BET1: variants seen among roughly 807,000 people sequenced by gnomAD.
The protein encoded by BET1 is BET1 homolog.
In BET1, 9 loss-of-function variants were observed where a neutral mutation model predicts 13.9. The ratio of observed to expected loss-of-function variants is 0.65; its 90% CI spans 0.39 to 1.13. The LOEUF (loss-of-function observed/expected upper bound fraction) is 1.13, where lower values mean the gene tolerates loss of function less well. BET1 is among the 50% of genes most tolerant of loss of function. The pLI is 0.01. For missense variants in BET1, 127 were observed against 133.6 expected (o/e 0.95, Z 0.24); for synonymous variants, 39 against 47.3 (o/e 0.82, Z 0.72).
chr7:93,990,968 C>T (rs1218899572), downstream of BET1, among the ~76,000 whole-genome samples: 8 of 151,944 alleles, frequency 5.3e-5, no homozygotes, highest in African/African-American at 1.9e-4. Flanking sequence ...CTTTCCAAGG[C>T]TTGTGAAAAA....
At chr7:93,994,500 T>A in intron 3 of BET1, 115 bp from the exon 4 acceptor site, 1 of 1,172,880 alleles carries the variant, frequency 8.5e-7, no homozygotes, top group Non-Finnish European at 1.2e-6. Context: ...CAGTTTTGTG[T>A]TTAATCAATT....
intron 4 of BET1, among the ~76,000 whole-genome samples, chr7:93,984,719 T>C (rs1795492475): frequency 6.6e-6 from 1 of 152,188 alleles, no homozygotes; most frequent in Admixed American, 6.6e-5. Context: ...GATGGAAATT[T>C]AAATCAGAGC....
Position 93,994,011 on chromosome 7 carries a change from A to G in BET1, c.*219T>C. ...GAAATTAGTGGAGCCACACCCTCTC[A>G]CTACCCCTGAAAATAGGGGCTAAAA... On this transcript the variant is annotated 3_prime_UTR_variant, in exon 4 of 4. Coordinates refer to ENST00000222547, the MANE Select transcript of BET1 (RefSeq NM_005868.6). 1.3e-6 allele frequency: 2 copies of G among 1,509,354 alleles called. No homozygotes were observed. Among genetic ancestry groups the G allele is most frequent in the Admixed American group, 2.1e-5 (1 of 46,850 alleles). 93.5% of individuals were successfully genotyped at this position (1,509,354 alleles called of 1,614,324 possible). A position where few individuals can be genotyped will look rare whatever the true frequency, so the allele number is the denominator to read the frequency against.
chr7:93,973,687 C>T (rs1372321923), intron 5 of BET1, among the ~76,000 whole-genome samples: 1 of 152,008 alleles, frequency 6.6e-6, no homozygotes, highest in Non-Finnish European at 1.5e-5. Context: ...TATACCTCAA[C>T]ACCTGGCCTC....
chr7:93,982,242 A>C (rs543342752), intron 4 of BET1, among the ~76,000 whole-genome samples: 8 of 152,172 alleles, frequency 5.3e-5, no homozygotes, highest in Admixed American at 2.0e-4. Flanking sequence ...GTCTATAATT[A>C]TGAAGCTCAT....
chr7:93,989,564 G>A (rs1795592820), downstream of BET1, among the ~76,000 whole-genome samples: 1 of 152,192 alleles, frequency 6.6e-6, no homozygotes, highest in Non-Finnish European at 1.5e-5. Flanking sequence ...AAACTTCACA[G>A]TAGGGAGCCT....
chr7:94,002,459 A>T (rs34370739), intron 1 of BET1, among the ~76,000 whole-genome samples: 13,601 of 63,756 alleles, frequency 0.21, 1,716 homozygotes, highest in African/African-American at 0.46. Context: ...GCTTTTTTTT[A>T]AAAAAAAAAA....
intron 1 of BET1, among the ~76,000 whole-genome samples, chr7:94,000,802 T>C (rs990620562): frequency 6.6e-6 from 1 of 152,100 alleles, no homozygotes; most frequent in Non-Finnish European, 1.5e-5. Context: ...GATTCAACAG[T>C]GACTTGAGAA....
At position 93,998,474 on chromosome 7, in the gene BET1, G is replaced by A. The variant is rs543917966; in HGVS notation, c.144+696C>T. Among the ~76,000 whole-genome samples the A allele has an allele frequency of 3.9e-5, 6 of 152,162 alleles. No homozygotes were observed. In the South Asian group the frequency reaches 8.3e-4, roughly 21 times the overall value. The stretch of plus-strand genomic sequence containing the variant: ...AGCACTTTGGGAGGCCAAGGCGGGC[G>A]GATCACCTGAGATAAAGAGTTCAAG... On this transcript the variant is annotated intron_variant, in intron 2 of 3. Transcript: ENST00000222547.
At chr7:93,982,696 A>G (rs999062845) in intron 4 of BET1, among the ~76,000 whole-genome samples, 2 of 152,240 alleles carry the variant, frequency 1.3e-5, no homozygotes, top group African/African-American at 4.8e-5. Flanking sequence ...TAACTAGATT[A>G]TATCTCCAAA....
downstream of BET1, chr7:93,991,838 T>C (rs189598731): frequency 1.0e-6 from 1 of 964,610 alleles, no homozygotes; most frequent in East Asian, 1.2e-4. Context: ...TTATTATTTA[T>C]TGACTGCATA....
At position 93,994,253 on chromosome 7, in the gene BET1, A is replaced by G. The variant is rs1795708405; in HGVS notation, c.334T>C (p.Tyr112His). 1 of 1,608,160 alleles carries G rather than the reference A, an allele frequency of 6.2e-7. No homozygotes were observed. The highest frequency in any genetic ancestry group is 8.5e-7 in the Non-Finnish European group (1 of 1,178,032). ...LFSLFVFFII[Y>H]WIIKLR ...CATCACCTCAGTTTAATAATCCAAT[A>G]AATGATAAAAAAGACAAATAAAGAA... The change falls in exon 4 of 4, where the codon TAT becomes CAT. Residue 112 changes from tyrosine (Y) to histidine (H), a missense_variant. Transcript: ENST00000222547.
chr7:94,001,442 A>G (rs2116147249), intron 1 of BET1, among the ~76,000 whole-genome samples: 1 of 152,304 alleles, frequency 6.6e-6, no homozygotes, highest in African/African-American at 2.4e-5. Context: ...AGTACTTTAT[A>G]TGCAGCAGAT....
Position 94,004,219 on chromosome 7 carries a change from T to A in BET1, c.-3A>T. ...TTACCCAGGCCTGCACGCCTCATCC[T>A]GCCAGAGGAGAGAGAGAAAAGGCGG... On this transcript the variant is annotated 5_prime_UTR_variant, in exon 1 of 4. Transcript: ENST00000222547. 1 of 1,614,028 alleles carries A rather than the reference T, an allele frequency of 6.2e-7. No homozygotes were observed. The highest frequency in any genetic ancestry group is 8.5e-7 in the Non-Finnish European group (1 of 1,179,974).
chr7:93,997,867 ACATACAAATAATGC>A (rs1270762965), intron 2 of BET1, among the ~76,000 whole-genome samples: 1 of 152,256 alleles, frequency 6.6e-6, no homozygotes, highest in Non-Finnish European at 1.5e-5. Context: ...AATTCCTTTT[ACATACAAATAATGC>A]CAATGCAAAT....
At chr7:93,982,421 G>C (rs955545918) in intron 4 of BET1, among the ~76,000 whole-genome samples, 1 of 152,090 alleles carries the variant, frequency 6.6e-6, no homozygotes, top group African/African-American at 2.4e-5. Flanking sequence ...TGGTGATTCT[G>C]GTTCAGCTGC....
Position 93,993,601 on chromosome 7 carries a change from A to G in BET1, c.*629T>C. 8.3e-7 allele frequency: 1 copy of G among 1,205,432 alleles called. No individual in the cohort carries two copies. 74.7% of individuals were successfully genotyped at this position (1,205,432 alleles called of 1,614,324 possible). ...TGAAATAATAACTATACTGATACACATGTGCAATGGGCCCTACCAGAAATA... is the reference window on the plus strand; with the variant it reads ...TGAAATAATAACTATACTGATACACGTGTGCAATGGGCCCTACCAGAAATA... On this transcript the variant is annotated 3_prime_UTR_variant, in exon 4 of 4. Transcript: ENST00000222547.
chr7:93,983,889 T>C (rs1371153681), intron 4 of BET1, among the ~76,000 whole-genome samples: 1 of 152,184 alleles, frequency 6.6e-6, no homozygotes, highest in Non-Finnish European at 1.5e-5. Context: ...TATTTTGCTG[T>C]CTAGAATCTC....
intron 6 of BET1, among the ~76,000 whole-genome samples, chr7:93,971,936 TAA>T (rs796161473): frequency 4.3e-5 from 6 of 140,560 alleles, no homozygotes; most frequent in African/African-American, 5.2e-5. Flanking sequence ...ACTGCAAGCT[TAA>T]AAAAAAAAAA....
Sources: gnomAD v4.1 joint callset for allele counts (sites outside exome capture counted in the v4.1 genomes callset) on GRCh38, gnomAD v4.1.1 for gene constraint, MANE v1.5 for transcripts, NCBI Gene and HGNC (gene_info 2026-07-23, HGNC 2026-07-21) for gene names.